Variants in NIN observed in about 807,000 individuals in gnomAD.
The protein encoded by NIN is ninein.
Under a neutral mutation model 257.6 loss-of-function variants are expected in NIN, and 137 were observed. That is an observed-to-expected ratio of 0.53 (90% CI 0.46 to 0.61). The LOEUF is 0.61. Among genes scored for constraint, NIN ranks in the 20% least tolerant of loss-of-function variants. The pLI, the probability that NIN is intolerant of heterozygous loss-of-function variation, is 0.00. For missense variants in NIN, 2,439 were observed against 2,501.2 expected (o/e 0.98, Z 0.53); for synonymous variants, 918 against 919.8 (o/e 1.00, Z 0.04).
chr14:50,734,067 TTTC>T (rs1184153343), intron 28 of NIN, among the ~76,000 whole-genome samples: 1 of 150,760 alleles, frequency 6.6e-6, no homozygotes, highest in Non-Finnish European at 1.5e-5. Context: ...AATAGCTCCA[TTTC>T]TTCTTTTTCT....
chr14:50,767,829 A>G (rs1158314050), intron 12 of NIN, among the ~76,000 whole-genome samples: 1 of 151,952 alleles, frequency 6.6e-6, no homozygotes, highest in East Asian at 1.9e-4. Flanking sequence ...AAAAAAAAAA[A>G]AAAGTAGAGC....
At chr14:50,822,118 C>G in intron 2 of NIN, 41 bp from the exon 3 acceptor site, 1 of 1,463,522 alleles carries the variant, frequency 6.8e-7, no homozygotes, top group Non-Finnish European at 9.4e-7. Context: ...GTGGCAGCCT[C>G]TCCAGTCCTA....
rs1308503435 is a variant in NIN at position 50,756,540 on chromosome 14, T to C, written c.4490A>G (p.Asp1497Gly). ...CATCTCACTGCACGTGATCTGCAAG[T>C]CATGCATCATTGCCTTCAGCTCTTC... The part of the protein sequence containing the change: ...KEEELKAMMH[D>G]LQITCSEMQQ... The change falls in exon 18 of 31, where the codon GAC becomes GGC. Residue 1497 changes from aspartate to glycine, a missense_variant. Asp to Gly is a moderately conservative substitution (Grantham distance 94). Around this residue, in one of 3 missense-constraint regions of NIN, gnomAD observed 2,043 missense variants for 2,050.2 expected, o/e 1.00. Coordinates refer to ENST00000530997, the MANE Select transcript of NIN (RefSeq NM_020921.4). The C allele has an allele frequency of 5.6e-6, 9 of 1,613,188 alleles. No individual in the cohort carries two copies. The highest frequency in any genetic ancestry group is 7.6e-6 in the Non-Finnish European group (9 of 1,179,768).
At chr14:50,810,492 G>T (rs2044541698) in intron 3 of NIN, among the ~76,000 whole-genome samples, 1 of 151,966 alleles carries the variant, frequency 6.6e-6, no homozygotes, top group Admixed American at 6.6e-5. Context: ...AGGAGTTTGA[G>T]ACCAGCCTGA....
chr14:50,813,453 T>A (rs1438750822), intron 3 of NIN, among the ~76,000 whole-genome samples: 4 of 152,226 alleles, frequency 2.6e-5, no homozygotes, highest in Non-Finnish European at 5.9e-5. Context: ...TAAACTAAAT[T>A]AAGAGGAAGA....
In NIN at chr14:50,759,856, C is replaced by T; in HGVS notation, c.2399+1G>A. On this transcript the variant is annotated splice_donor_variant, in intron 17 of 30. Coordinates refer to ENST00000530997, the MANE Select transcript of NIN (RefSeq NM_020921.4). LOFTEE classifies it high-confidence loss of function. Reference sequence around the variant, plus strand: ...AGCTTCATTTCCCTTCACTTTCTTACCTTCCCTCCTGAAGCTCCCTTTGGT... The same window carrying T: ...AGCTTCATTTCCCTTCACTTTCTTATCTTCCCTCCTGAAGCTCCCTTTGGT... The T allele has an allele frequency of 6.2e-7, 1 of 1,601,108 alleles. No homozygotes were observed. The highest frequency in any genetic ancestry group is 1.1e-5 in the South Asian group (1 of 89,022).
In NIN at chr14:50,723,447, G is replaced by A. The variant is rs745396591; in HGVS notation, c.*16C>T. The A allele has an allele frequency of 1.1e-5, 17 of 1,603,556 alleles. No individual in the cohort carries two copies. Among genetic ancestry groups the A allele is most frequent in the Admixed American group, 3.3e-5 (2 of 59,886 alleles). On this transcript the variant is annotated 3_prime_UTR_variant, in exon 31 of 31. Coordinates refer to ENST00000530997, the MANE Select transcript of NIN (RefSeq NM_020921.4). Reference sequence around the variant, plus strand: ...TTCAGTAAAGTGCACAAATATGAGTGTACCCTTTGGTTTGGCTATGACCTC... The same window carrying A: ...TTCAGTAAAGTGCACAAATATGAGTATACCCTTTGGTTTGGCTATGACCTC...
intron 14 of NIN, among the ~76,000 whole-genome samples, chr14:50,764,170 A>G (rs1191859031): frequency 6.6e-6 from 1 of 152,240 alleles, no homozygotes; most frequent in Non-Finnish European, 1.5e-5. Flanking sequence ...TAGCTCAATA[A>G]TAAGACAATT....
intron 5 of NIN, among the ~76,000 whole-genome samples, chr14:50,782,802 T>C (rs1203722367): frequency 6.6e-6 from 1 of 152,192 alleles, no homozygotes; most frequent in Non-Finnish European, 1.5e-5. Flanking sequence ...CCCCATATTA[T>C]GACAGATGAG....
At position 50,738,163 on chromosome 14, in the gene NIN, C is replaced by T; in HGVS notation, c.5752G>A (p.Glu1918Lys). 1 of 1,614,010 alleles carries T rather than the reference C, an allele frequency of 6.2e-7. No homozygotes were observed. The highest frequency in any genetic ancestry group is 2.2e-5 in the East Asian group (1 of 44,870). The change falls in exon 27 of 31, where the codon GAA becomes AAA. Residue 1918 changes from glutamate (E) to lysine (K), a missense_variant. Around this residue, in one of 3 missense-constraint regions of NIN, gnomAD observed 2,043 missense variants for 2,050.2 expected, o/e 1.00. Coordinates refer to ENST00000530997, the MANE Select transcript of NIN (RefSeq NM_020921.4). ...LKRECDQFQK[E>K]QSPANRKVSQ... The stretch of plus-strand genomic sequence containing the variant: ...ACCTTCCTGTTAGCAGGAGATTGTT[C>T]TTTCTGAAACTGATCACACTCTCTC...
intron 28 of NIN, chr14:50,730,875 A>C (rs2040657694): frequency 1.5e-6 from 2 of 1,304,840 alleles, no homozygotes; most frequent in Admixed American, 2.2e-5. Flanking sequence ...AAGGGGTTTA[A>C]TGAGATGGCT....
intron 25 of NIN, among the ~76,000 whole-genome samples, chr14:50,740,814 C>T (rs1399009660): frequency 6.6e-6 from 1 of 152,234 alleles, no homozygotes; most frequent in Non-Finnish European, 1.5e-5. Context: ...AAAAGTTTCA[C>T]CAAGAGATAA....
chr14:50,817,126 C>A lies in NIN; in HGVS notation c.183+4748G>T, dbSNP rs75026647. 8.9e-3 allele frequency among the ~76,000 whole-genome samples: 1,350 copies of A among 152,290 alleles called. 23 individuals are homozygous for A. The highest frequency in any genetic ancestry group is 0.03 in the African/African-American group (1,263 of 41,550). ...TGTCTTTTCTCTCCCACAGCATAGG[C>A]CATTTCCCTTCACCAATTTAAGTCT... On this transcript the variant is annotated intron_variant, in intron 3 of 30. Coordinates refer to ENST00000530997, the MANE Select transcript of NIN (RefSeq NM_020921.4).
chr14:50,728,216 A>C (rs139203172), intron 29 of NIN, among the ~76,000 whole-genome samples: 2 of 152,286 alleles, frequency 1.3e-5, no homozygotes, highest in African/African-American at 4.8e-5. Flanking sequence ...TTTGGTTAGA[A>C]GGTCCACTAA....
chr14:50,794,907 T>A (rs2043772144), intron 4 of NIN, among the ~76,000 whole-genome samples: 1 of 152,138 alleles, frequency 6.6e-6, no homozygotes. Flanking sequence ...GTAGATGCAG[T>A]GGTGGATTCA....
At chr14:50,738,821 C>T (rs2041130928) in intron 26 of NIN, among the ~76,000 whole-genome samples, 1 of 152,162 alleles carries the variant, frequency 6.6e-6, no homozygotes, top group Non-Finnish European at 1.5e-5. Context: ...GGGTGTTAAG[C>T]ATAGGTTAAA....
chr14:50,733,536 T>C (rs1176902649), intron 28 of NIN, among the ~76,000 whole-genome samples: 1 of 152,224 alleles, frequency 6.6e-6, no homozygotes, highest in African/African-American at 2.4e-5. Context: ...CCTCCTCTGT[T>C]AGCAAATATT....
chr14:50,756,511 GCTGCATCTCA>G lies in NIN; in HGVS notation c.4509_4518del (p.Glu1504LysfsTer6). The G allele has an allele frequency of 6.2e-7, 1 of 1,602,524 alleles. No homozygotes were observed. ...CATTACCTCAGAAGTTCAACTTTTT[GCTGCATCTCA>G]CTGCACGTGATCTGCAAGTCATGCA... On this transcript the variant is annotated frameshift_variant, in exon 18 of 31. Coordinates refer to ENST00000530997, the MANE Select transcript of NIN (RefSeq NM_020921.4). LOFTEE classifies it high-confidence loss of function.
chr14:50,770,779 C>G, intron 11 of NIN, 73 bp downstream of exon 11: 1 of 1,519,062 alleles, frequency 6.6e-7, no homozygotes, highest in Non-Finnish European at 8.9e-7. Context: ...ACTGTTCTGC[C>G]CCTGCAGCTG....
Sources: gnomAD v4.1 joint callset for allele counts (sites outside exome capture counted in the v4.1 genomes callset) on GRCh38, gnomAD v4.1.1 for gene constraint, gnomAD v4.1.1 regional missense constraint, MANE v1.5 for transcripts, NCBI Gene and HGNC (gene_info 2026-07-23, HGNC 2026-07-21) for gene names.